The following ASTN2 variants were observed in gnomAD, a reference collection of about 807,000 sequenced individuals.
The protein encoded by ASTN2 is astrotactin-2.
A neutral mutation model predicts 139.8 loss-of-function variants in ASTN2; 54 were observed. That is an observed-to-expected ratio of 0.39 (90% confidence interval 0.31 to 0.48). The LOEUF (loss-of-function observed/expected upper bound fraction) is 0.48, where lower values mean the gene tolerates loss of function less well. Ranked by LOEUF, ASTN2 falls within the 20% of genes least tolerant of loss-of-function variation. The pLI is 0.95. For missense variants in ASTN2, 1,565 were observed against 1,725.1 expected (o/e 0.91, Z 1.64); for synonymous variants, 756 against 719.5 (o/e 1.05, Z -0.81).
chr9:116,785,243 G>A (rs1232656141), intron 13 of ASTN2, among the ~76,000 whole-genome samples: 1 of 152,114 alleles, frequency 6.6e-6, no homozygotes, highest in African/African-American at 2.4e-5. Context: ...CCTCTCCGAT[G>A]TTAAACTGCA....
At chr9:117,384,089 C>T (rs537058492) in intron 1 of ASTN2, among the ~76,000 whole-genome samples, 57 of 152,260 alleles carry the variant, frequency 3.7e-4, no homozygotes, top group African/African-American at 1.1e-3. Flanking sequence ...CTGGGAATAT[C>T]GGTAGAGCAG....
chr9:116,993,055 T>C (rs562401765), intron 7 of ASTN2, among the ~76,000 whole-genome samples: 94 of 152,254 alleles, frequency 6.2e-4, no homozygotes, highest in Non-Finnish European at 1.2e-3. Flanking sequence ...AGAGTGATAC[T>C]CTTAAAATAG....
At chr9:116,447,427 G>C (rs1848033238) in intron 20 of ASTN2, among the ~76,000 whole-genome samples, 1 of 152,086 alleles carries the variant, frequency 6.6e-6, no homozygotes, top group Non-Finnish European at 1.5e-5. Flanking sequence ...TACACCTGGT[G>C]CACCAACGCT....
chr9:116,618,422 T>A lies in ASTN2; in HGVS notation c.3257A>T (p.Glu1086Val). ...AATAGCTGGCTGAACATCCACCCAC[T>A]CCAAGGAGACCACAGTACTGGAGGG... Reference protein sequence around the residue: ...VEPSSTVVSLEWVDVQPAIGT... With the variant: ...VEPSSTVVSLVWVDVQPAIGT... The change falls in exon 19 of 23, where the codon GAG becomes GTG. Residue 1086 changes from glutamate (E) to valine (V), a missense_variant. Coordinates refer to ENST00000313400, the MANE Select transcript of ASTN2 (RefSeq NM_001365068.1). 1 of 1,614,048 alleles carries A rather than the reference T, an allele frequency of 6.2e-7. No individual in the cohort carries two copies. The highest frequency in any genetic ancestry group is 2.2e-5 in the East Asian group (1 of 44,878).
chr9:116,719,148 C>A (rs566641502), intron 16 of ASTN2, among the ~76,000 whole-genome samples: 2 of 151,438 alleles, frequency 1.3e-5, no homozygotes, highest in Admixed American at 6.6e-5. Flanking sequence ...AAGCTGGAAT[C>A]CAGACAAGCT....
chr9:116,624,548 G>A (rs894793832), intron 17 of ASTN2, among the ~76,000 whole-genome samples: 1 of 152,096 alleles, frequency 6.6e-6, no homozygotes, highest in African/African-American at 2.4e-5. Flanking sequence ...AATATCTTAG[G>A]AATTTTAAAC....
chr9:117,269,020 A>G (rs1834000006), intron 2 of ASTN2, among the ~76,000 whole-genome samples: 1 of 152,250 alleles, frequency 6.6e-6, no homozygotes, highest in Admixed American at 6.5e-5. Context: ...AGCAGAGCAT[A>G]AGACAAGCAA....
At chr9:117,375,561 T>C (rs1830100565) in intron 1 of ASTN2, among the ~76,000 whole-genome samples, 1 of 152,244 alleles carries the variant, frequency 6.6e-6, no homozygotes, top group Non-Finnish European at 1.5e-5. Flanking sequence ...AGAGTCATCA[T>C]TAACCACGTA....
intron 3 of ASTN2, among the ~76,000 whole-genome samples, chr9:117,188,007 A>C (rs1831246124): frequency 6.6e-6 from 1 of 152,026 alleles, no homozygotes; most frequent in South Asian, 2.1e-4. Flanking sequence ...AGATATTTTG[A>C]GGTGGGTAAT....
At chr9:116,859,336 A>G (rs1832819505) in intron 11 of ASTN2, among the ~76,000 whole-genome samples, 1 of 152,202 alleles carries the variant, frequency 6.6e-6, no homozygotes, top group Non-Finnish European at 1.5e-5. Context: ...CCATCCTCCA[A>G]TTGGCCAATT....
At chr9:116,747,168 T>C (rs1167146763) in intron 13 of ASTN2, among the ~76,000 whole-genome samples, 2 of 152,226 alleles carry the variant, frequency 1.3e-5, no homozygotes. Flanking sequence ...GGGCTTTGCA[T>C]ATACAATCTC....
intron 2 of ASTN2, among the ~76,000 whole-genome samples, chr9:117,238,010 G>T (rs939838802): frequency 6.6e-6 from 1 of 152,190 alleles, no homozygotes; most frequent in Admixed American, 6.5e-5. Flanking sequence ...GCTGCCATTG[G>T]TCATAGCTGA....
chr9:116,505,716 C>A lies in ASTN2; in HGVS notation c.3356-18216G>T, dbSNP rs974002633. Among the ~76,000 whole-genome samples the A allele has an allele frequency of 2.6e-5, 4 of 152,266 alleles. No homozygotes were observed. The East Asian group carries it at 7.7e-4, about 29-fold the overall frequency. On this transcript the variant is annotated intron_variant, in intron 19 of 22. Coordinates refer to ENST00000313400, the MANE Select transcript of ASTN2 (RefSeq NM_001365068.1). ...ACAGTGTACCTGGTATTTTCATATC[C>A]ATCAACTCCTAGGCAATCCAAAGCC... is the stretch of plus-strand genomic sequence containing the variant.
chr9:117,329,614 G>C (rs183192755), intron 1 of ASTN2, among the ~76,000 whole-genome samples: 6 of 152,250 alleles, frequency 3.9e-5, no homozygotes, highest in African/African-American at 1.2e-4. Flanking sequence ...AATGACAAAG[G>C]GGGGTGGACA....
At chr9:117,337,749 T>C (rs139634885) in intron 1 of ASTN2, among the ~76,000 whole-genome samples, 1,597 of 152,226 alleles carry the variant, frequency 0.01, 29 homozygotes, top group African/African-American at 0.036. Context: ...GACACTGTTT[T>C]AAGTGAAAAC....
At chr9:117,270,676 T>C (rs983437772) in intron 2 of ASTN2, among the ~76,000 whole-genome samples, 1 of 152,170 alleles carries the variant, frequency 6.6e-6, no homozygotes, top group African/African-American at 2.4e-5. Context: ...ACTTCAATCT[T>C]CCCATCTATA....
At chr9:117,145,600 G>A (rs894774145) in intron 3 of ASTN2, among the ~76,000 whole-genome samples, 1 of 152,082 alleles carries the variant, frequency 6.6e-6, no homozygotes, top group African/African-American at 2.4e-5. Flanking sequence ...TTCTCACAGG[G>A]TCCAATAAAA....
chr9:116,911,167 G>T (rs970056298), intron 10 of ASTN2, among the ~76,000 whole-genome samples: 2 of 152,158 alleles, frequency 1.3e-5, no homozygotes, highest in East Asian at 3.9e-4. Flanking sequence ...TCCATCCCAC[G>T]AAATAATGAT....
At position 116,607,854 on chromosome 9, in the gene ASTN2, G is replaced by A. The variant is rs561753532; in HGVS notation, c.3355+10470C>T. On this transcript the variant is annotated intron_variant, in intron 19 of 22. Coordinates refer to ENST00000313400, the MANE Select transcript of ASTN2 (RefSeq NM_001365068.1). ...CACGCACCTGTAGTCCCAGCTACTC[G>A]GGAGGCTGAGGCAGGAGAATCGCTT... 2.2e-4 allele frequency among the ~76,000 whole-genome samples: 33 copies of A among 152,180 alleles called. No homozygotes were observed. In the South Asian group the frequency reaches 5.2e-3, roughly 24 times the overall value.
Sources: allele counts gnomAD v4.1 joint callset (sites outside exome capture counted in the v4.1 genomes callset), GRCh38; gene constraint gnomAD v4.1.1; transcripts MANE v1.5; gene names NCBI Gene and HGNC (gene_info 2026-07-23, HGNC 2026-07-21).